The following CSMD1 variants were observed in gnomAD, a reference collection of about 807,000 sequenced individuals.
CSMD1 encodes the protein CUB and Sushi multiple domains 1.
CSMD1 carries 213 observed loss-of-function variants against 417.5 expected under a neutral mutation model. The ratio of observed to expected loss-of-function variants is 0.51; its 90% CI spans 0.46 to 0.57. CSMD1 has a LOEUF of 0.57. CSMD1 is among the 20% of genes least tolerant of loss of function. The pLI, the probability that CSMD1 is intolerant of heterozygous loss-of-function variation, is 0.00. For missense variants in CSMD1, 6,923 were observed against 4,529.7 expected, an observed-to-expected ratio of 1.53 and a Z score of -15.17; for synonymous variants, 2,862 against 1,736.8, an observed-to-expected ratio of 1.65 and a Z score of -16.11.
At chr8:4,777,631 C>G (rs571740562) in intron 1 of CSMD1, among the ~76,000 whole-genome samples, 3 of 152,184 alleles carry the variant, frequency 2.0e-5, no homozygotes, top group African/African-American at 7.2e-5. Flanking sequence ...AGAGAATTTG[C>G]TTTTAAAATA....
Position 3,569,468 on chromosome 8 carries a change from T to C in CSMD1, c.1344+5477A>G, listed in dbSNP as rs763490532. The stretch of plus-strand genomic sequence containing the variant: ...AATGTTTCAAAAAAAGAGAAGTTTG[T>C]ATTGACTAAGAGAGAATTGGCGTCG... On this transcript the variant is annotated intron_variant, in intron 10 of 69. Transcript: ENST00000635120. Among the ~76,000 whole-genome samples, 4 of 152,180 alleles carry C rather than the reference T, an allele frequency of 2.6e-5. No individual in the cohort carries two copies. In the East Asian group the frequency reaches 7.7e-4, roughly 29 times the overall value.
At chr8:4,657,226 G>A (rs892925588) in intron 1 of CSMD1, among the ~76,000 whole-genome samples, 11 of 152,160 alleles carry the variant, frequency 7.2e-5, no homozygotes, top group Admixed American at 2.0e-4. Context: ...TTCACACCTG[G>A]TTGAGCAGTA....
chr8:4,146,634 CAG>C (rs1482156184), intron 3 of CSMD1, among the ~76,000 whole-genome samples: 1 of 58,670 alleles, frequency 1.7e-5, no homozygotes, highest in Non-Finnish European at 3.7e-5. Flanking sequence ...TTTTTTGAGA[CAG>C]AGTCTCGATC....
intron 5 of CSMD1, among the ~76,000 whole-genome samples, chr8:3,989,361 T>C (rs79925484): frequency 0.014 from 2,107 of 152,320 alleles, 45 homozygotes; most frequent in African/African-American, 0.049. Flanking sequence ...TATGCTTTTA[T>C]GGCCTGCTGA....
chr8:3,311,178 A>T (rs1015021702), intron 23 of CSMD1, among the ~76,000 whole-genome samples: 4 of 152,234 alleles, frequency 2.6e-5, no homozygotes, highest in Non-Finnish European at 5.9e-5. Flanking sequence ...AGTTGTGGAA[A>T]ATCATCTAGC....
chr8:3,240,597 C>G (rs910616471), intron 26 of CSMD1, among the ~76,000 whole-genome samples: 1 of 151,642 alleles, frequency 6.6e-6, no homozygotes. Context: ...GCAGTACAGC[C>G]CGGGTAATCT....
At chr8:3,982,792 G>C (rs1813982574) in intron 5 of CSMD1, among the ~76,000 whole-genome samples, 1 of 152,188 alleles carries the variant, frequency 6.6e-6, no homozygotes, top group African/African-American at 2.4e-5. Flanking sequence ...ACGAGGGCAA[G>C]AATCCGCTGG....
intron 1 of CSMD1, among the ~76,000 whole-genome samples, chr8:4,911,672 C>A (rs988828827): frequency 1.3e-5 from 2 of 152,150 alleles, no homozygotes; most frequent in Non-Finnish European, 2.9e-5. Flanking sequence ...TCGAAGTCTG[C>A]ATAAATAGAC....
chr8:4,933,193 C>T (rs1429036430), intron 1 of CSMD1, among the ~76,000 whole-genome samples: 1 of 151,518 alleles, frequency 6.6e-6, no homozygotes, highest in Non-Finnish European at 1.5e-5. Context: ...TTCCTTGCTC[C>T]CTCCCTCTCT....
At chr8:4,461,712 A>T (rs1451267746) in intron 2 of CSMD1, among the ~76,000 whole-genome samples, 1 of 149,218 alleles carries the variant, frequency 6.7e-6, no homozygotes, top group Non-Finnish European at 1.5e-5. Flanking sequence ...CACCATAGCC[A>T]GCTCATCTTA....
At chr8:4,549,319 A>G (rs1383046314) in intron 2 of CSMD1, among the ~76,000 whole-genome samples, 1 of 152,236 alleles carries the variant, frequency 6.6e-6, no homozygotes, top group Non-Finnish European at 1.5e-5. Flanking sequence ...GGAAAAGGGT[A>G]AAAGAAATTA....
chr8:4,522,232 C>T (rs546985677), intron 2 of CSMD1, among the ~76,000 whole-genome samples: 15 of 152,262 alleles, frequency 9.9e-5, no homozygotes, highest in African/African-American at 3.4e-4. Flanking sequence ...CACAAATTCT[C>T]TCTCTTTGCC....
intron 37 of CSMD1, among the ~76,000 whole-genome samples, chr8:3,162,965 A>G (rs1819988737): frequency 6.6e-6 from 1 of 152,178 alleles, no homozygotes; most frequent in African/African-American, 2.4e-5. Context: ...ATTCTAAAAC[A>G]CTGAAACCTC....
At chr8:4,966,043 A>G (rs780875346) in intron 1 of CSMD1, among the ~76,000 whole-genome samples, 4 of 151,978 alleles carry the variant, frequency 2.6e-5, no homozygotes, top group Non-Finnish European at 4.4e-5. Flanking sequence ...TTTTAGCTGA[A>G]CAATGACTTT....
At chr8:3,315,391 T>C (rs183849259) in intron 23 of CSMD1, among the ~76,000 whole-genome samples, 1 of 151,970 alleles carries the variant, frequency 6.6e-6, no homozygotes, top group Non-Finnish European at 1.5e-5. Context: ...TTCCATGTTT[T>C]ACAATACATC....
intron 68 of CSMD1, among the ~76,000 whole-genome samples, chr8:2,948,886 T>A (rs1194532424): frequency 3.3e-5 from 5 of 151,998 alleles, no homozygotes; most frequent in African/African-American, 1.2e-4. Context: ...AAAATAATCA[T>A]CTTTGTTACT....
intron 5 of CSMD1, among the ~76,000 whole-genome samples, chr8:3,924,059 C>T (rs1032135940): frequency 3.9e-5 from 6 of 152,158 alleles, no homozygotes; most frequent in Admixed American, 1.3e-4. Context: ...CTCCCTTTAG[C>T]GTTTCTTGCA....
In CSMD1 at chr8:4,867,062, G is replaced by T. The variant is rs576858601; in HGVS notation, c.85+127270C>A. Among the ~76,000 whole-genome samples the T allele has an allele frequency of 8.2e-4, 124 of 152,098 alleles. 2 individuals are homozygous for T. The highest frequency in any genetic ancestry group is 2.1e-3 in the South Asian group (10 of 4,824). On this transcript the variant is annotated intron_variant, in intron 1 of 69. Coordinates refer to ENST00000635120, the MANE Select transcript of CSMD1 (RefSeq NM_033225.6). ...TTTTTTGCTCAAATTAAGCCATACA[G>T]AAAGTAATATTTTGCTTAGAATTTA...
intron 1 of CSMD1, among the ~76,000 whole-genome samples, chr8:4,664,979 AAAT>A (rs1465345082): frequency 6.6e-6 from 1 of 152,200 alleles, no homozygotes; most frequent in Non-Finnish European, 1.5e-5. Context: ...TGAAAAAGGA[AAAT>A]AATATCTCAT....
Sources: allele counts gnomAD v4.1 joint callset (sites outside exome capture counted in the v4.1 genomes callset), GRCh38; gene constraint gnomAD v4.1.1; transcripts MANE v1.5; gene names NCBI Gene and HGNC (gene_info 2026-07-23, HGNC 2026-07-21).